The following UACA variants were observed in gnomAD, a reference collection of about 807,000 sequenced individuals.
UACA encodes uveal autoantigen with coiled-coil domains and ankyrin repeats.
A neutral mutation model predicts 160.5 loss-of-function variants in UACA; 112 were observed. The ratio of observed to expected loss-of-function variants is 0.70; its 90% CI spans 0.60 to 0.82. The LOEUF is 0.82. UACA is among the 40% of genes least tolerant of loss of function. UACA has a pLI of 0.00. For missense variants in UACA, 1,574 were observed against 1,614.6 expected, an observed-to-expected ratio of 0.97 and a Z score of 0.43; for synonymous variants, 557 against 568.4, an observed-to-expected ratio of 0.98 and a Z score of 0.29.
upstream of UACA, chr15:70,763,582 C>G (rs896182916): frequency 3.3e-6 from 4 of 1,215,022 alleles, no homozygotes; most frequent in Admixed American, 1.7e-4. Flanking sequence ...GGCTCCCCTC[C>G]CGTAGCCAAT....
At position 70,671,974 on chromosome 15, in the gene UACA, A is replaced by T; in HGVS notation, c.1159T>A (p.Phe387Ile). 6.3e-7 allele frequency: 1 copy of T among 1,596,414 alleles called. No homozygotes were observed. The highest frequency in any genetic ancestry group is 8.5e-7 in the Non-Finnish European group (1 of 1,171,572). ...ESDHLGSGSH[F>I]SNRKEDMLLK... ...ATACTTTTATACTTACGGTTACTGAAATGACTTCCTGATCCTAAATGATCA... is the reference window on the plus strand; with the variant it reads ...ATACTTTTATACTTACGGTTACTGATATGACTTCCTGATCCTAAATGATCA... The change falls in exon 14 of 19, where the codon TTC becomes ATC. Residue 387 changes from phenylalanine (F) to isoleucine (I), a missense_variant. Coordinates refer to ENST00000322954, the MANE Select transcript of UACA (RefSeq NM_018003.4).
At chr15:70,755,501 C>G (rs1304043990) in intron 1 of UACA, among the ~76,000 whole-genome samples, 2 of 151,946 alleles carry the variant, frequency 1.3e-5, no homozygotes, top group Non-Finnish European at 2.9e-5. Flanking sequence ...GAAACCCCAT[C>G]TCTACTAAAA....
chr15:70,702,451 C>T, intron 1 of UACA: 1 of 371,136 alleles, frequency 2.7e-6, no homozygotes, highest in Non-Finnish European at 3.7e-6. Context: ...CATGCTTTTC[C>T]TCTGAGTAAT....
chr15:70,693,026 C>T (rs1177125672), intron 3 of UACA, among the ~76,000 whole-genome samples: 1 of 152,158 alleles, frequency 6.6e-6, no homozygotes, highest in East Asian at 1.9e-4. Context: ...CAGATGTGAT[C>T]ATTTCAAATT....
At chr15:70,778,742 G>C in the UACA span, 1 of 152,118 alleles carries the variant, frequency 6.6e-6, no homozygotes, top group African/African-American at 2.4e-5. Context: ...ATTATATCTG[G>C]CGACTCACAC....
At position 70,668,358 on chromosome 15, in the gene UACA, T is replaced by C. The variant is rs1475118411; in HGVS notation, c.2326A>G (p.Thr776Ala). 1.2e-6 allele frequency: 2 copies of C among 1,608,082 alleles called. No homozygotes were observed. The highest frequency in any genetic ancestry group is 1.7e-6 in the Non-Finnish European group (2 of 1,178,688). Reference sequence around the variant, plus strand: ...TTCTCCATTTCCAACTTCTTTTCTGTATATTTTTGTGTTACATCTAAAAGC... The same window carrying C: ...TTCTCCATTTCCAACTTCTTTTCTGCATATTTTTGTGTTACATCTAAAAGC... ...RKLLDVTQKY[T>A]EKKLEMEKLL... The change falls in exon 16 of 19, where the codon ACA (threonine) becomes GCA (alanine). Residue 776 changes from threonine to alanine, a missense_variant. Thr to Ala is a moderately conservative substitution (Grantham distance 58). Coordinates refer to ENST00000322954, the MANE Select transcript of UACA (RefSeq NM_018003.4).
intron 13 of UACA, among the ~76,000 whole-genome samples, 175 bp from the exon 14 acceptor site, chr15:70,672,176 G>C (rs1287774545): frequency 1.3e-5 from 2 of 152,142 alleles, no homozygotes; most frequent in South Asian, 2.1e-4. Context: ...GCAACACTTA[G>C]AGAGATCAGC....
Position 70,668,257 on chromosome 15 carries a change from A to C in UACA, c.2427T>G (p.His809Gln). 6.2e-7 allele frequency: 1 copy of C among 1,613,308 alleles called. No individual in the cohort carries two copies. Among genetic ancestry groups the C allele is most frequent in the Non-Finnish European group, 8.5e-7 (1 of 1,179,874 alleles). ...LETVFVPPEK[H>Q]EKEIIALKSN... ...ATTTCAGAGCTATTATCTCTTTTTC[A>C]TGTTTCTCAGGAGGTACAAACACAG... is the stretch of plus-strand genomic sequence containing the variant. The change falls in exon 16 of 19, where the codon CAT (histidine) becomes CAG (glutamine). Residue 809 changes from histidine to glutamine, a missense_variant. Transcript: ENST00000322954.
intron 1 of UACA, among the ~76,000 whole-genome samples, chr15:70,760,575 G>A (rs1246342624): frequency 6.6e-6 from 1 of 152,084 alleles, no homozygotes; most frequent in Non-Finnish European, 1.5e-5. Context: ...TTGGGAGGCC[G>A]AGGCGGGTGG....
intron 1 of UACA, among the ~76,000 whole-genome samples, chr15:70,757,756 C>CT (rs1166223352): frequency 2.0e-5 from 3 of 152,224 alleles, no homozygotes; most frequent in Non-Finnish European, 4.4e-5. Flanking sequence ...TTTCAGTGCA[C>CT]TACAGTTGCT....
chr15:70,697,398 G>T lies in UACA; in HGVS notation c.212+2129C>A, dbSNP rs570925235. On this transcript the variant is annotated intron_variant, in intron 2 of 18. Coordinates refer to ENST00000322954, the MANE Select transcript of UACA (RefSeq NM_018003.4). ...ACTGGAGTCCACTGTTCTCCAAGTA[G>T]CAATGGAATCCTTGGTGAACCTTCC... Among the ~76,000 whole-genome samples the T allele has an allele frequency of 3.9e-5, 6 of 152,320 alleles. No homozygotes were observed. The South Asian group carries it at 1.2e-3, about 32-fold the overall frequency.
the UACA span, among the ~76,000 whole-genome samples, chr15:70,775,941 T>G: frequency 6.6e-6 from 1 of 152,346 alleles, no homozygotes; most frequent in South Asian, 2.1e-4. Context: ...GGGTGATTGT[T>G]ACGTGAACTT....
At chr15:70,711,741 T>C (rs1038985545) in intron 1 of UACA, among the ~76,000 whole-genome samples, 1 of 152,084 alleles carries the variant, frequency 6.6e-6, no homozygotes, top group Non-Finnish European at 1.5e-5. Flanking sequence ...GACAGATACA[T>C]ATATAAACAT....
chr15:70,704,868 CAG>C (rs1479288708), intron 1 of UACA, among the ~76,000 whole-genome samples: 1 of 152,134 alleles, frequency 6.6e-6, no homozygotes, highest in Non-Finnish European at 1.5e-5. Context: ...ACAGCAGATT[CAG>C]AGAGACCCCA....
At chr15:70,720,874 G>A (rs1490349762) in intron 1 of UACA, among the ~76,000 whole-genome samples, 1 of 152,130 alleles carries the variant, frequency 6.6e-6, no homozygotes, top group Non-Finnish European at 1.5e-5. Flanking sequence ...CCACTCCTGA[G>A]CAGAAGATTT....
intron 13 of UACA, among the ~76,000 whole-genome samples, chr15:70,675,125 T>C (rs114299812): frequency 0.016 from 2,404 of 152,272 alleles, 53 homozygotes; most frequent in African/African-American, 0.056. Context: ...GTGAAACCCC[T>C]CATGGGTAAA....
At chr15:70,738,771 C>T (rs1899443988) in intron 1 of UACA, among the ~76,000 whole-genome samples, 1 of 152,162 alleles carries the variant, frequency 6.6e-6, no homozygotes, top group African/African-American at 2.4e-5. Flanking sequence ...AAAACTGAAA[C>T]AGTGATTTAA....
intron 1 of UACA, among the ~76,000 whole-genome samples, chr15:70,741,908 T>C (rs753532757): frequency 1.7e-4 from 26 of 152,182 alleles, no homozygotes; most frequent in Non-Finnish European, 2.8e-4. Context: ...ATAGCCTCCA[T>C]GCATTAAATG....
Position 70,668,397 on chromosome 15 carries a change from C to A in UACA, c.2287G>T (p.Asp763Tyr). Residue 763 changes from aspartate to tyrosine, a missense_variant, in exon 16 of 19, where the codon GAT (aspartate) becomes TAT (tyrosine). Physicochemically the swap from Asp to Tyr is radical, Grantham distance 160 (BLOSUM62 -3). Transcript: ENST00000322954. ...ACATCTAAAAGCTTTCTATTAAGAT[C>A]ATCAATAATTGCATCATGTGACTTT... ...MKKSHDAIIDDLNRKLLDVTQ... is the reference protein window; with the variant it reads ...MKKSHDAIIDYLNRKLLDVTQ... 6.2e-7 allele frequency: 1 copy of A among 1,609,636 alleles called. No individual in the cohort carries two copies. Among genetic ancestry groups the A allele is most frequent in the Non-Finnish European group, 8.5e-7 (1 of 1,179,116 alleles).
Sources: allele counts gnomAD v4.1 joint callset (sites outside exome capture counted in the v4.1 genomes callset), GRCh38; gene constraint gnomAD v4.1.1; transcripts MANE v1.5; gene names NCBI Gene and HGNC (gene_info 2026-07-23, HGNC 2026-07-21).